The following ZNF385B variants were observed in gnomAD, a reference collection of about 807,000 sequenced individuals.
The protein encoded by ZNF385B is zinc finger protein 385B.
ZNF385B carries 23 observed loss-of-function variants against 39.2 expected under a neutral mutation model. That is an observed-to-expected ratio of 0.59 (90% CI 0.42 to 0.83). The LOEUF is 0.83. Among genes scored for constraint, ZNF385B ranks in the 40% least tolerant of loss-of-function variants. The pLI, the probability that ZNF385B is intolerant of heterozygous loss-of-function variation, is 0.00. For synonymous variants in ZNF385B, 205 were observed against 222.6 expected (o/e 0.92, Z 0.70); for missense variants, 552 against 598.9 (o/e 0.92, Z 0.82).
intron 3 of ZNF385B, among the ~76,000 whole-genome samples, chr2:179,764,102 A>G (rs1438224966): frequency 6.6e-6 from 1 of 152,006 alleles, no homozygotes; most frequent in Non-Finnish European, 1.5e-5. Context: ...TTTCTGCTCT[A>G]TCAGTTTTTG....
intron 3 of ZNF385B, among the ~76,000 whole-genome samples, chr2:179,760,326 C>T (rs568264802): frequency 1.3e-4 from 20 of 151,826 alleles, no homozygotes; most frequent in African/African-American, 4.8e-4. Context: ...CCCATATCTA[C>T]TTCCTTCTTG....
chr2:179,688,765 A>G (rs1486425199), intron 3 of ZNF385B, among the ~76,000 whole-genome samples: 1 of 152,166 alleles, frequency 6.6e-6, no homozygotes, highest in Admixed American at 6.5e-5. Context: ...GATCTCTTGA[A>G]TGTACTCCTC....
chr2:179,753,610 G>C (rs560851823), intron 3 of ZNF385B, among the ~76,000 whole-genome samples: 1 of 151,938 alleles, frequency 6.6e-6, no homozygotes, highest in African/African-American at 2.4e-5. Flanking sequence ...CTTTCATTTC[G>C]TTGAGCAGTG....
chr2:179,605,484 CAGTT>C (rs1301245847), intron 3 of ZNF385B, among the ~76,000 whole-genome samples: 1 of 151,970 alleles, frequency 6.6e-6, no homozygotes, highest in Admixed American at 6.6e-5. Flanking sequence ...TATGCATAGT[CAGTT>C]AGGAAGGTGG....
At chr2:179,470,176 T>C (rs960429312) in intron 6 of ZNF385B, among the ~76,000 whole-genome samples, 2 of 152,166 alleles carry the variant, frequency 1.3e-5, no homozygotes, top group Non-Finnish European at 2.9e-5. Flanking sequence ...CTGTCTGCTC[T>C]TCCATCTTGT....
At chr2:179,784,428 C>T (rs1704862107) in intron 1 of ZNF385B, among the ~76,000 whole-genome samples, 1 of 151,730 alleles carries the variant, frequency 6.6e-6, no homozygotes, top group Non-Finnish European at 1.5e-5. Context: ...CATGTGTTTA[C>T]CTATGTAACA....
intron 1 of ZNF385B, among the ~76,000 whole-genome samples, chr2:179,836,534 C>T (rs1055570236): frequency 9.0e-5 from 4 of 44,474 alleles, no homozygotes; most frequent in Non-Finnish European, 1.7e-4. Flanking sequence ...TTTTTTGAGA[C>T]GGAGTCTCGC....
chr2:179,829,761 C>CAG (rs1707881317), intron 1 of ZNF385B, among the ~76,000 whole-genome samples: 1 of 152,228 alleles, frequency 6.6e-6, no homozygotes, highest in Non-Finnish European at 1.5e-5. Context: ...GATCTGCCCG[C>CAG]CTTGGCCTCC....
intron 1 of ZNF385B, among the ~76,000 whole-genome samples, chr2:179,777,769 G>GTTTTTTTTTTTTTTT (rs71029831): frequency 1.4e-5 from 2 of 143,712 alleles, no homozygotes. Context: ...ATATCAAGAG[G>GTTTTTTTTTTTTTTT]TTTTTTTTTT....
intron 5 of ZNF385B, among the ~76,000 whole-genome samples, chr2:179,494,494 C>T (rs192256677): frequency 1.7e-4 from 26 of 152,134 alleles, no homozygotes; most frequent in African/African-American, 5.5e-4. Context: ...ATTTTCTTAA[C>T]GGATATTTAT....
chr2:179,749,562 A>G (rs888921159), intron 3 of ZNF385B, among the ~76,000 whole-genome samples: 2 of 152,130 alleles, frequency 1.3e-5, no homozygotes, highest in East Asian at 3.9e-4. Flanking sequence ...TTAAGATGTG[A>G]AAGTCAAATG....
intron 5 of ZNF385B, among the ~76,000 whole-genome samples, chr2:179,487,803 A>C (rs1396252591): frequency 6.6e-6 from 1 of 152,226 alleles, no homozygotes; most frequent in Non-Finnish European, 1.5e-5. Flanking sequence ...AAGAATTGCC[A>C]GAATTAGAAA....
intron 1 of ZNF385B, among the ~76,000 whole-genome samples, chr2:179,821,565 C>G (rs945526365): frequency 6.6e-6 from 1 of 152,106 alleles, no homozygotes; most frequent in African/African-American, 2.4e-5. Flanking sequence ...GGACACTTCA[C>G]AGTTTCCCAG....
intron 3 of ZNF385B, among the ~76,000 whole-genome samples, chr2:179,651,004 T>A (rs1342991938): frequency 6.6e-6 from 1 of 152,214 alleles, no homozygotes; most frequent in East Asian, 1.9e-4. Flanking sequence ...CAATGCCTTT[T>A]GAGTCCCCTG....
intron 3 of ZNF385B, among the ~76,000 whole-genome samples, chr2:179,563,077 C>T (rs1684123367): frequency 6.6e-6 from 1 of 152,062 alleles, no homozygotes; most frequent in African/African-American, 2.4e-5. Flanking sequence ...GGGCAGATGT[C>T]AATTTGATGT....
At chr2:179,572,217 T>TA (rs1244144639) in intron 3 of ZNF385B, among the ~76,000 whole-genome samples, 1 of 152,034 alleles carries the variant, frequency 6.6e-6, no homozygotes, top group Non-Finnish European at 1.5e-5. Flanking sequence ...TATTTATGAA[T>TA]AAAAAAATCC....
chr2:179,830,438 A>G (rs181369794), intron 1 of ZNF385B, among the ~76,000 whole-genome samples: 2 of 152,208 alleles, frequency 1.3e-5, no homozygotes, highest in Non-Finnish European at 2.9e-5. Context: ...ATGATTATGG[A>G]GGTTTTATTC....
intron 1 of ZNF385B, among the ~76,000 whole-genome samples, chr2:179,815,759 T>C (rs79879571): frequency 0.038 from 5,770 of 152,252 alleles, 173 homozygotes; most frequent in East Asian, 0.12. Flanking sequence ...TTGTTATGTG[T>C]TACAGTACAC....
intron 3 of ZNF385B, among the ~76,000 whole-genome samples, chr2:179,555,975 T>C (rs1454031593): frequency 6.7e-6 from 1 of 149,226 alleles, no homozygotes; most frequent in East Asian, 1.9e-4. Flanking sequence ...AATGAAGTGC[T>C]GCATCAAAAA....
Sources: gnomAD v4.1 joint callset for allele counts (sites outside exome capture counted in the v4.1 genomes callset) on GRCh38, gnomAD v4.1.1 for gene constraint, MANE v1.5 for transcripts, NCBI Gene and HGNC (gene_info 2026-07-23, HGNC 2026-07-21) for gene names.